The following PDLIM5 variants were observed in gnomAD, a reference collection of about 807,000 sequenced individuals.
PDLIM5 encodes the protein PDZ and LIM domain 5, also known as PDZ and LIM domain protein 5.
A neutral mutation model predicts 64.2 loss-of-function variants in PDLIM5; 34 were observed. The observed-to-expected ratio is 0.53, with a 90% CI of 0.40 to 0.71. The LOEUF is 0.71. Among genes scored for constraint, PDLIM5 ranks in the 30% least tolerant of loss-of-function variants. The pLI is 0.00. For synonymous variants in PDLIM5, 253 were observed against 269.1 expected, an observed-to-expected ratio of 0.94 and a Z score of 0.59; for missense variants, 683 against 733.6, an observed-to-expected ratio of 0.93 and a Z score of 0.80.
At chr4:94,510,265 G>A (rs963625862) in intron 2 of PDLIM5, among the ~76,000 whole-genome samples, 11 of 152,112 alleles carry the variant, frequency 7.2e-5, no homozygotes, top group African/African-American at 1.7e-4. Flanking sequence ...GTTTCTATTG[G>A]TGATGTGGTT....
Position 94,512,978 on chromosome 4 carries a change from T to G in PDLIM5, c.97-10746T>G, listed in dbSNP as rs139922501. 2.6e-5 allele frequency among the ~76,000 whole-genome samples: 4 copies of G among 152,360 alleles called. 1 individual carries two copies. Among genetic ancestry groups the G allele is most frequent in the African/African-American group, 9.6e-5 (4 of 41,588 alleles). On this transcript the variant is annotated intron_variant, in intron 2 of 12. Transcript: ENST00000317968. ...GATGTTCAGTTTTCCCAGCACCATTTATTAAAGAGACTGTCTTTTTCCCAG... is the reference window on the plus strand; with the variant it reads ...GATGTTCAGTTTTCCCAGCACCATTGATTAAAGAGACTGTCTTTTTCCCAG...
chr4:94,529,850 G>A (rs796985311), intron 3 of PDLIM5, among the ~76,000 whole-genome samples: 2 of 152,102 alleles, frequency 1.3e-5, no homozygotes, highest in South Asian at 4.2e-4. Flanking sequence ...TTTACTCTTG[G>A]GGAAGTCAGG....
chr4:94,464,658 A>T (rs1724190603), intron 2 of PDLIM5, among the ~76,000 whole-genome samples: 1 of 152,348 alleles, frequency 6.6e-6, no homozygotes, highest in African/African-American at 2.4e-5. Flanking sequence ...TGTTACACAT[A>T]TAATTTCCAT....
At chr4:94,626,228 A>G (rs73834214) in intron 8 of PDLIM5, among the ~76,000 whole-genome samples, 4,643 of 152,332 alleles carry the variant, frequency 0.03, 202 homozygotes, top group African/African-American at 0.11. Flanking sequence ...AGGAACAAAC[A>G]TTTAACATTT....
intron 2 of PDLIM5, among the ~76,000 whole-genome samples, chr4:94,479,466 T>C (rs1289698830): frequency 1.3e-5 from 2 of 151,620 alleles, no homozygotes; most frequent in Non-Finnish European, 2.9e-5. Flanking sequence ...TAGTTGGGAC[T>C]ACAGGCAAGT....
chr4:94,495,969 C>CT (rs1185845257), intron 2 of PDLIM5, among the ~76,000 whole-genome samples: 1 of 151,850 alleles, frequency 6.6e-6, no homozygotes, highest in East Asian at 1.9e-4. Context: ...AGAGAAAACT[C>CT]TAACAATGGC....
chr4:94,612,611 G>C (rs901321508), intron 7 of PDLIM5, among the ~76,000 whole-genome samples: 1 of 152,174 alleles, frequency 6.6e-6, no homozygotes, highest in African/African-American at 2.4e-5. Context: ...TCTAGAGCGA[G>C]TATTAGTAGT....
chr4:94,553,036 T>C (rs1385586161), intron 3 of PDLIM5, among the ~76,000 whole-genome samples: 5 of 152,202 alleles, frequency 3.3e-5, no homozygotes, highest in South Asian at 2.1e-4. Flanking sequence ...TGGTCTCTTT[T>C]AGCAGAGGCA....
In PDLIM5 at chr4:94,640,552, T is replaced by C. The variant is rs377352793; in HGVS notation, c.1283+102T>C. The C allele has an allele frequency of 1.1e-5, 8 of 701,082 alleles. No individual in the cohort carries two copies. In the African/African-American group the frequency reaches 1.3e-4, roughly 11 times the overall value. The allele number at this position is 701,082 out of a possible 1,614,324, so 43.4% of individuals were successfully genotyped here. A position where few individuals can be genotyped will look rare whatever the true frequency, so the allele number is the denominator to read the frequency against. On this transcript the variant is annotated intron_variant, in intron 9 of 12. Coordinates refer to ENST00000317968, the MANE Select transcript of PDLIM5 (RefSeq NM_006457.5). ...GTATGTGTAATGTAATTAGTGAAAA[T>C]ATTCTTGCCATAATCCTATAGAGTA...
intron 3 of PDLIM5, among the ~76,000 whole-genome samples, chr4:94,558,930 A>G (rs1373216371): frequency 6.6e-6 from 1 of 151,968 alleles, no homozygotes; most frequent in Admixed American, 6.6e-5. Context: ...AAAAGTAGTT[A>G]TGATAATTTT....
chr4:94,604,133 C>T (rs4699303), intron 7 of PDLIM5, among the ~76,000 whole-genome samples: 1 of 152,168 alleles, frequency 6.6e-6, no homozygotes, highest in Non-Finnish European at 1.5e-5. Flanking sequence ...AACTCTCGGG[C>T]AACAGAATAG....
At chr4:94,560,771 A>G (rs905516041) in intron 3 of PDLIM5, among the ~76,000 whole-genome samples, 1 of 152,126 alleles carries the variant, frequency 6.6e-6, no homozygotes, top group Non-Finnish European at 1.5e-5. Context: ...GCTGTTGCCC[A>G]GGCTGGGTGT....
Position 94,665,485 on chromosome 4 carries a change from A to T in PDLIM5, c.*1418A>T. The T allele has an allele frequency of 9.4e-6, 3 of 319,612 alleles. No individual in the cohort carries two copies. Among genetic ancestry groups the T allele is most frequent in the Non-Finnish European group, 1.2e-5 (3 of 245,012 alleles). The allele number at this position is 319,612 out of a possible 1,614,324, so 19.8% of individuals were successfully genotyped here. A position where few individuals can be genotyped will look rare whatever the true frequency, so the allele number is the denominator to read the frequency against. ...ACAGAGCAAGACTCCGGCTCTTAAA[A>T]AAAAAAAAAAAAAAAAAAAAAGAGA... On this transcript the variant is annotated 3_prime_UTR_variant, in exon 13 of 13. Transcript: ENST00000317968.
At chr4:94,660,921 A>C (rs887434986) in intron 11 of PDLIM5, among the ~76,000 whole-genome samples, 1 of 66,550 alleles carries the variant, frequency 1.5e-5, no homozygotes, top group Non-Finnish European at 3.6e-5. Flanking sequence ...AAAAATAAAA[A>C]AAAATAAAAA....
chr4:94,465,936 ATG>A (rs909858642), intron 2 of PDLIM5, among the ~76,000 whole-genome samples: 4 of 148,594 alleles, frequency 2.7e-5, no homozygotes, highest in African/African-American at 1.0e-4. Flanking sequence ...ATGTGTGTGT[ATG>A]TGTGTGTGTG....
rs34572366 is a variant in PDLIM5 at position 94,469,960 on chromosome 4, A to ATTTTTTTTT, written c.96+14592_96+14600dup. On this transcript the variant is annotated intron_variant, in intron 2 of 12. Coordinates refer to ENST00000317968, the MANE Select transcript of PDLIM5 (RefSeq NM_006457.5). Reference sequence around the variant, plus strand: ...ATTTTTCCTATTTTGCATTCTTTTAATTTTTTTTTTTTTTTTTTTTTTTTG... The same window carrying ATTTTTTTTT: ...ATTTTTCCTATTTTGCATTCTTTTAATTTTTTTTTTTTTTTTTTTTTTTTTTTTTTTTTG... Among the ~76,000 whole-genome samples, 176 of 71,554 alleles carry ATTTTTTTTT rather than the reference A, an allele frequency of 2.5e-3. 5 individuals carry two copies. The highest frequency in any genetic ancestry group is 9.8e-3 in the African/African-American group (160 of 16,372). The allele number at this position is 71,554 out of a possible 152,430, so 46.9% of individuals were successfully genotyped here.
At chr4:94,512,600 T>A (rs1201466279) in intron 2 of PDLIM5, among the ~76,000 whole-genome samples, 1 of 143,724 alleles carries the variant, frequency 7.0e-6, no homozygotes, top group Non-Finnish European at 1.5e-5. Context: ...CTTTTGCCAA[T>A]TTTTTTATTG....
chr4:94,600,426 G>C (rs181592784), intron 7 of PDLIM5, among the ~76,000 whole-genome samples: 1 of 152,280 alleles, frequency 6.6e-6, no homozygotes, highest in Admixed American at 6.5e-5. Flanking sequence ...AGGATTCACT[G>C]TGGGTGGCTG....
intron 2 of PDLIM5, among the ~76,000 whole-genome samples, chr4:94,504,343 G>A (rs1055925039): frequency 2.6e-5 from 4 of 151,306 alleles, no homozygotes; most frequent in African/African-American, 7.3e-5. Context: ...GTTGGAGTGC[G>A]GTGGCACTAT....
Sources: gnomAD v4.1 joint callset for allele counts (sites outside exome capture counted in the v4.1 genomes callset) on GRCh38, gnomAD v4.1.1 for gene constraint, MANE v1.5 for transcripts, NCBI Gene and HGNC (gene_info 2026-07-23, HGNC 2026-07-21) for gene names.